The following SSH2 variants were observed in gnomAD, a reference collection of about 807,000 sequenced individuals.
SSH2 encodes protein phosphatase Slingshot homolog 2.
Under a neutral mutation model 135.2 loss-of-function variants are expected in SSH2, and 37 were observed. That is an observed-to-expected ratio of 0.27 (90% confidence interval 0.21 to 0.36). SSH2 has a LOEUF of 0.36. Among genes scored for constraint, SSH2 ranks in the 10% least tolerant of loss-of-function variants. SSH2 has a pLI of 1.00. For synonymous variants in SSH2, 628 were observed against 646.2 expected, an observed-to-expected ratio of 0.97 and a Z score of 0.43; for missense variants, 1,408 against 1,765.3, an observed-to-expected ratio of 0.80 and a Z score of 3.63.
At chr17:29,828,397 T>C (rs1035272113) in intron 2 of SSH2, among the ~76,000 whole-genome samples, 18 of 152,010 alleles carry the variant, frequency 1.2e-4, no homozygotes, top group African/African-American at 4.1e-4. Flanking sequence ...CACTCAAAAC[T>C]CCCTAGGACT....
chr17:29,794,258 C>T (rs959360488), intron 2 of SSH2, among the ~76,000 whole-genome samples: 1 of 152,176 alleles, frequency 6.6e-6, no homozygotes. Context: ...AGCTTCAAAA[C>T]GAGTGGGCAT....
rs1037145398 is a variant in SSH2 at position 29,725,061 on chromosome 17, G to C, written c.189-21999C>G. 2.6e-5 allele frequency among the ~76,000 whole-genome samples: 4 copies of C among 151,574 alleles called. No homozygotes were observed. The East Asian group carries it at 7.8e-4, about 30-fold the overall frequency. On this transcript the variant is annotated intron_variant, in intron 3 of 15. Coordinates refer to ENST00000540801, the MANE Select transcript of SSH2 (RefSeq NM_001282129.2). The stretch of plus-strand genomic sequence containing the variant: ...GCAATGAACTTTTATAAAAGCCAGG[G>C]AATCGGCCAGGCACGGTGGCTCACG...
chr17:29,631,792 C>T lies in SSH2; in HGVS notation c.3402G>A (p.Leu1134=), dbSNP rs367599119. Residue 1134 remains leucine, a synonymous_variant, in exon 16 of 16, where the codon CTG becomes CTA. Coordinates refer to ENST00000540801, the MANE Select transcript of SSH2 (RefSeq NM_001282129.2). ...GTGCTGCTGTCTCCAGGGCTGTGGA[C>T]AGGCTGCTGCCTCTGTCTTCAGGGC... ...LSSPEDRGSS[L]STALETAAPF... is the part of the protein sequence containing the mutation. 2.5e-6 allele frequency: 4 copies of T among 1,614,094 alleles called. No homozygotes were observed. The highest frequency in any genetic ancestry group is 2.2e-5 in the East Asian group (1 of 44,894).
At chr17:29,684,377 T>C (rs1488561413) in intron 6 of SSH2, among the ~76,000 whole-genome samples, 186 bp downstream of exon 6, 1 of 151,486 alleles carries the variant, frequency 6.6e-6, no homozygotes, top group African/African-American at 2.4e-5. Context: ...CTCAGGAGGC[T>C]GAGGCAGGAG....
At chr17:29,826,793 G>C (rs751758423) in intron 2 of SSH2, among the ~76,000 whole-genome samples, 4 of 152,166 alleles carry the variant, frequency 2.6e-5, no homozygotes, top group African/African-American at 7.2e-5. Context: ...ATCCAGGGAA[G>C]AGGAGTGCTT....
chr17:29,828,525 G>A lies in SSH2; in HGVS notation c.144+20324C>T, dbSNP rs374945935. On this transcript the variant is annotated intron_variant, in intron 2 of 15. Transcript: ENST00000540801. ...ACAGTGAGAATCCCTGGAAGCAAGT[G>A]ATTTGCCAAACTTTAAAGCAGAAGA... Among the ~76,000 whole-genome samples the A allele has an allele frequency of 2.8e-4, 42 of 152,278 alleles. 1 individual carries two copies. In the South Asian group the frequency reaches 8.5e-3, roughly 31 times the overall value.
At chr17:29,793,972 C>A in intron 2 of SSH2, 35 bp from the exon 3 acceptor site, 2 of 1,521,802 alleles carry the variant, frequency 1.3e-6, no homozygotes, top group South Asian at 2.3e-5. Context: ...AAAATTAAAA[C>A]CTGAGGTTTC....
intron 1 of SSH2, among the ~76,000 whole-genome samples, chr17:29,869,539 G>T (rs2065906319): frequency 6.6e-6 from 1 of 152,082 alleles, no homozygotes; most frequent in African/African-American, 2.4e-5. Flanking sequence ...CAAGAATTTA[G>T]CCCTAACTAA....
At chr17:29,788,560 CT>C (rs1331198104) in intron 3 of SSH2, among the ~76,000 whole-genome samples, 1 of 151,966 alleles carries the variant, frequency 6.6e-6, no homozygotes, top group Admixed American at 6.6e-5. Flanking sequence ...GAATCAATTT[CT>C]TTCTTTTCTT....
intron 14 of SSH2, among the ~76,000 whole-genome samples, chr17:29,637,234 G>C (rs1241258073): frequency 6.6e-6 from 1 of 152,184 alleles, no homozygotes; most frequent in Non-Finnish European, 1.5e-5. Context: ...GAGTAGCTGG[G>C]ATTACAGGAA....
intron 3 of SSH2, among the ~76,000 whole-genome samples, chr17:29,752,502 A>C (rs940799656): frequency 6.6e-6 from 1 of 152,162 alleles, no homozygotes; most frequent in African/African-American, 2.4e-5. Flanking sequence ...TTTTTCCCTC[A>C]CACTATAAAT....
chr17:29,749,994 A>G (rs1459847196), intron 3 of SSH2, among the ~76,000 whole-genome samples: 1 of 151,948 alleles, frequency 6.6e-6, no homozygotes, highest in African/African-American at 2.4e-5. Context: ...GGCCTCCCGA[A>G]GTGCTGGGAT....
chr17:29,823,086 T>A (rs182567439), intron 2 of SSH2, among the ~76,000 whole-genome samples: 6 of 152,144 alleles, frequency 3.9e-5, no homozygotes, highest in African/African-American at 1.4e-4. Context: ...ATAAAAAACA[T>A]CTATATAGAT....
At chr17:29,885,969 G>A (rs1398705846) in intron 1 of SSH2, among the ~76,000 whole-genome samples, 1 of 152,178 alleles carries the variant, frequency 6.6e-6, no homozygotes, top group African/African-American at 2.4e-5. Flanking sequence ...GTCTTTATTA[G>A]CAGCGTGAGA....
In SSH2 at chr17:29,638,039, G is replaced by T. The variant is rs925509008; in HGVS notation, c.1428-1237C>A. On this transcript the variant is annotated intron_variant, in intron 14 of 15. Coordinates refer to ENST00000540801, the MANE Select transcript of SSH2 (RefSeq NM_001282129.2). ...TGAGACAGGAGAACTCCTTGAACCC[G>T]GGAGGCAGAGGTTGCAGTGGGCCGA... Among the ~76,000 whole-genome samples the T allele has an allele frequency of 4.6e-5, 7 of 151,860 alleles. 1 individual carries two copies. Among genetic ancestry groups the T allele is most frequent in the Admixed American group, 4.6e-4 (7 of 15,242 alleles).
chr17:29,748,814 C>A (rs745701703), intron 3 of SSH2, among the ~76,000 whole-genome samples: 1 of 152,080 alleles, frequency 6.6e-6, no homozygotes, highest in African/African-American at 2.4e-5. Flanking sequence ...GAAAAACTAC[C>A]CAAATCATTC....
chr17:29,915,774 T>TA (rs984825292), intron 1 of SSH2, among the ~76,000 whole-genome samples: 25 of 150,644 alleles, frequency 1.7e-4, no homozygotes, highest in African/African-American at 3.4e-4. Flanking sequence ...ATTCTCTAAT[T>TA]AAAAAAAAAT....
intron 11 of SSH2, among the ~76,000 whole-genome samples, chr17:29,660,325 G>A (rs949029672): frequency 2.7e-5 from 4 of 150,508 alleles, no homozygotes; most frequent in Non-Finnish European, 3.0e-5. Context: ...GGAGTGCAGT[G>A]GTGCAATCTC....
At chr17:29,769,517 C>T (rs1334169738) in intron 3 of SSH2, among the ~76,000 whole-genome samples, 1 of 152,188 alleles carries the variant, frequency 6.6e-6, no homozygotes, top group Admixed American at 6.5e-5. Flanking sequence ...GTATTCATCA[C>T]ATTTTCCAAA....
Sources: gnomAD v4.1 joint callset for allele counts (sites outside exome capture counted in the v4.1 genomes callset) on GRCh38, gnomAD v4.1.1 for gene constraint, MANE v1.5 for transcripts, NCBI Gene and HGNC (gene_info 2026-07-23, HGNC 2026-07-21) for gene names.